Variants in KIRREL3 observed in about 807,000 individuals in gnomAD.
KIRREL3 encodes the protein kirre like nephrin family adhesion molecule 3.
In KIRREL3, 36 loss-of-function variants were observed where a neutral mutation model predicts 89.7. The observed-to-expected ratio is 0.40, with a 90% CI of 0.31 to 0.53. The LOEUF (loss-of-function observed/expected upper bound fraction) is 0.53. Ranked by LOEUF, KIRREL3 falls within the 20% of genes least tolerant of loss-of-function variation. The pLI is 0.49. For missense variants in KIRREL3, 864 were observed against 1,056.6 expected (o/e 0.82, Z 2.53); for synonymous variants, 445 against 441.4 (o/e 1.01, Z -0.10).
rs1358083095 is a variant in KIRREL3 at position 126,635,933 on chromosome 11, G to T, written c.56-73021C>A. Among the ~76,000 whole-genome samples the T allele has an allele frequency of 6.6e-6, 1 of 152,118 alleles. No individual in the cohort carries two copies. ...CTAGGGAACAACTTGGTTATTTTTG[G>T]GTCATGGGCAGGGCCAGCAGGCCTA... On this transcript the variant is annotated intron_variant, in intron 1 of 16. Coordinates refer to ENST00000525144, the MANE Select transcript of KIRREL3 (RefSeq NM_032531.4). This position sits in a 1 kb window ranked among gnomAD's most constrained non-coding sequence, Gnocchi z 4.0.
At chr11:126,971,050 C>T (rs1180310301) in intron 1 of KIRREL3, among the ~76,000 whole-genome samples, 1 of 152,218 alleles carries the variant, frequency 6.6e-6, no homozygotes, top group Non-Finnish European at 1.5e-5. Context: ...TCCCCACTCT[C>T]AACAGTGTTT....
chr11:126,769,707 G>T lies in KIRREL3; in HGVS notation c.56-206795C>A, dbSNP rs1254280143. The stretch of plus-strand genomic sequence containing the variant: ...ACAAGCAAGCAGACATTTGTCCTTG[G>T]TGAGCTCACATCTTATAGCTTCCAG... On this transcript the variant is annotated intron_variant, in intron 1 of 16. Coordinates refer to ENST00000525144, the MANE Select transcript of KIRREL3 (RefSeq NM_032531.4). This position sits in a 1 kb window ranked among gnomAD's most constrained non-coding sequence, Gnocchi z 4.3. 6.6e-6 allele frequency among the ~76,000 whole-genome samples: 1 copy of T among 152,152 alleles called. No individual in the cohort carries two copies. Among genetic ancestry groups the T allele is most frequent in the Admixed American group, 6.5e-5 (1 of 15,280 alleles).
chr11:126,741,987 T>C (rs1201216140), intron 1 of KIRREL3, among the ~76,000 whole-genome samples: 1 of 152,206 alleles, frequency 6.6e-6, no homozygotes, highest in Non-Finnish European at 1.5e-5. Flanking sequence ...TAGCAGAGAA[T>C]GTTGGTCTGG....
rs1028642587 is a variant in KIRREL3, at chr11:126,557,798, G to A, written c.133+5037C>T. 6.6e-6 allele frequency among the ~76,000 whole-genome samples: 1 copy of A among 152,184 alleles called. No homozygotes were observed. Among genetic ancestry groups the A allele is most frequent in the Non-Finnish European group, 1.5e-5 (1 of 68,034 alleles). On this transcript the variant is annotated intron_variant, in intron 2 of 16. Transcript: ENST00000525144. This position sits in a 1 kb window ranked among gnomAD's most constrained non-coding sequence, Gnocchi z 5.6. ...CAGGTGCTGTGGGGGAGGGGCATTT[G>A]CACACAGAGCCTGGACTGGGACCAC...
chr11:126,953,060 A>G lies in KIRREL3; in HGVS notation c.55+47395T>C, dbSNP rs939335736. On this transcript the variant is annotated intron_variant, in intron 1 of 16. Coordinates refer to ENST00000525144, the MANE Select transcript of KIRREL3 (RefSeq NM_032531.4). The surrounding 1 kb of genome is among the most constrained non-coding windows in gnomAD (Gnocchi z 5.2). Reference sequence around the variant, plus strand: ...TATGTTTATTGCAGCACTGTTCACAATAACAAAGACTTGGAACCAATCCAA... The same window carrying G: ...TATGTTTATTGCAGCACTGTTCACAGTAACAAAGACTTGGAACCAATCCAA... 2.0e-5 allele frequency among the ~76,000 whole-genome samples: 3 copies of G among 152,244 alleles called. No homozygotes were observed. Among genetic ancestry groups the G allele is most frequent in the Non-Finnish European group, 2.9e-5 (2 of 68,032 alleles).
rs1956591231 is a variant in KIRREL3, at chr11:126,462,856, A to G, written c.742+301T>C. Among the ~76,000 whole-genome samples the G allele has an allele frequency of 6.6e-6, 1 of 152,070 alleles. No homozygotes were observed. The highest frequency in any genetic ancestry group is 1.5e-5 in the Non-Finnish European group (1 of 68,026). ...AGACTTCCCCTCCAACAGAGGGGCC[A>G]CCGGCTAGGCCAGCAGAGGCAGCAG... On this transcript the variant is annotated intron_variant, in intron 6 of 16. Transcript: ENST00000525144. This position sits in a 1 kb window ranked among gnomAD's most constrained non-coding sequence, Gnocchi z 4.8.
chr11:126,804,512 G>A lies in KIRREL3; in HGVS notation c.55+195943C>T, dbSNP rs183340281. On this transcript the variant is annotated intron_variant, in intron 1 of 16. Coordinates refer to ENST00000525144, the MANE Select transcript of KIRREL3 (RefSeq NM_032531.4). ...CAGCAACCCACTTAGACTCTTGTGG[G>A]AAGATGTCAGCAGAAGTGAGTCTGA... Among the ~76,000 whole-genome samples, 8 of 152,268 alleles carry A rather than the reference G, an allele frequency of 5.3e-5. No individual in the cohort carries two copies. In the South Asian group the frequency reaches 8.3e-4, roughly 16 times the overall value.
Position 126,995,336 on chromosome 11 carries a change from A to G in KIRREL3, c.55+5119T>C, listed in dbSNP as rs1287290532. The G allele has an allele frequency of 2.2e-6, 1 of 456,176 alleles. No homozygotes were observed. Among genetic ancestry groups the G allele is most frequent in the Non-Finnish European group, 4.4e-6 (1 of 226,952 alleles). 28.3% of individuals were successfully genotyped at this position (456,176 alleles called of 1,614,324 possible). On this transcript the variant is annotated intron_variant, in intron 1 of 16. Transcript: ENST00000525144. This position sits in a 1 kb window ranked among gnomAD's most constrained non-coding sequence, Gnocchi z 6.5. Reference sequence around the variant, plus strand: ...GGGGAGTTGAAGTGTGCATTCCAGCATGCTCATGATCTTACTGACCTTCTC... The same window carrying G: ...GGGGAGTTGAAGTGTGCATTCCAGCGTGCTCATGATCTTACTGACCTTCTC...
In KIRREL3 at chr11:126,814,855, G is replaced by A. The variant is rs369076236; in HGVS notation, c.55+185600C>T. ...CCTGGGTGATGGTGGTGGGTTCATCGGTGCAGCGAACCACCATGGCACACG... is the reference window on the plus strand; with the variant it reads ...CCTGGGTGATGGTGGTGGGTTCATCAGTGCAGCGAACCACCATGGCACACG... On this transcript the variant is annotated intron_variant, in intron 1 of 16. Transcript: ENST00000525144. This position sits in a 1 kb window ranked among gnomAD's most constrained non-coding sequence, Gnocchi z 4.4. Among the ~76,000 whole-genome samples, 15 of 152,128 alleles carry A rather than the reference G, an allele frequency of 9.9e-5. No homozygotes were observed. The highest frequency in any genetic ancestry group is 3.4e-4 in the African/African-American group (14 of 41,406).
At chr11:126,923,122 C>T (rs111641819) in intron 1 of KIRREL3, among the ~76,000 whole-genome samples, 2,288 of 46,714 alleles carry the variant, frequency 0.049, 229 homozygotes, top group African/African-American at 0.1. Flanking sequence ...TTCTCCTTCT[C>T]CTTCTTCTCT....
rs1950055592 is a variant in KIRREL3, at chr11:126,772,734, T to C, written c.56-209822A>G. ...GGCCACAGGCCAGCAGGGAAGTCACTGCAGCCTCTGGGGGTGCCATCGTGG... is the reference window on the plus strand; with the variant it reads ...GGCCACAGGCCAGCAGGGAAGTCACCGCAGCCTCTGGGGGTGCCATCGTGG... On this transcript the variant is annotated intron_variant, in intron 1 of 16. Transcript: ENST00000525144. This position sits in a 1 kb window ranked among gnomAD's most constrained non-coding sequence, Gnocchi z 4.6. 1.3e-5 allele frequency among the ~76,000 whole-genome samples: 2 copies of C among 152,244 alleles called. No individual in the cohort carries two copies. Among genetic ancestry groups the C allele is most frequent in the Non-Finnish European group, 2.9e-5 (2 of 68,038 alleles).
At chr11:126,762,961 G>A (rs1949709464) in intron 1 of KIRREL3, among the ~76,000 whole-genome samples, 2 of 152,114 alleles carry the variant, frequency 1.3e-5, no homozygotes, top group Non-Finnish European at 2.9e-5. Flanking sequence ...ATTTCCCTTT[G>A]GTTGTGGCTG....
In KIRREL3 at chr11:126,684,683, A is replaced by G. The variant is rs1267365248; in HGVS notation, c.56-121771T>C. Among the ~76,000 whole-genome samples the G allele has an allele frequency of 1.3e-5, 2 of 152,238 alleles. No homozygotes were observed. The highest frequency in any genetic ancestry group is 4.8e-5 in the African/African-American group (2 of 41,464). On this transcript the variant is annotated intron_variant, in intron 1 of 16. Transcript: ENST00000525144. The surrounding 1 kb of genome is among the most constrained non-coding windows in gnomAD (Gnocchi z 4.2). Reference sequence around the variant, plus strand: ...GTCTGCACTTGCTGAGAAGGCATTTATGATGCCAGTGTGACTTATAGTTAT... The same window carrying G: ...GTCTGCACTTGCTGAGAAGGCATTTGTGATGCCAGTGTGACTTATAGTTAT...
chr11:126,838,033 C>T (rs1943838470), intron 1 of KIRREL3, among the ~76,000 whole-genome samples: 2 of 152,162 alleles, frequency 1.3e-5, no homozygotes, highest in South Asian at 4.1e-4. Context: ...CCCATCATCC[C>T]TCTAACAAAT....
At chr11:126,884,002 C>T (rs977765999) in intron 1 of KIRREL3, among the ~76,000 whole-genome samples, 4 of 152,086 alleles carry the variant, frequency 2.6e-5, no homozygotes, top group African/African-American at 4.8e-5. Flanking sequence ...ACTGGCCACC[C>T]GGGGAGATTG....
intron 1 of KIRREL3, among the ~76,000 whole-genome samples, chr11:126,706,404 A>G (rs59964105): frequency 0.062 from 9,367 of 152,272 alleles, 779 homozygotes; most frequent in African/African-American, 0.19. Context: ...TTTAAGTACA[A>G]TTAGGTTTTT....
chr11:126,910,969 G>A (rs1374025458), intron 1 of KIRREL3, among the ~76,000 whole-genome samples: 1 of 152,206 alleles, frequency 6.6e-6, no homozygotes, highest in African/African-American at 2.4e-5. Context: ...CCGGGGGAAG[G>A]AAAGGTGGGC....
At position 126,797,005 on chromosome 11, in the gene KIRREL3, T is replaced by G. The variant is rs1292502631; in HGVS notation, c.55+203450A>C. Among the ~76,000 whole-genome samples, 1 of 152,160 alleles carries G rather than the reference T, an allele frequency of 6.6e-6. No individual in the cohort carries two copies. The highest frequency in any genetic ancestry group is 1.5e-5 in the Non-Finnish European group (1 of 68,032). ...TCTGGGGTGGAGGTCATATCAGGGC[T>G]GGGGACAGAAAGGCTGATCCTGTGA... is the stretch of plus-strand genomic sequence containing the variant. On this transcript the variant is annotated intron_variant, in intron 1 of 16. Coordinates refer to ENST00000525144, the MANE Select transcript of KIRREL3 (RefSeq NM_032531.4). The surrounding 1 kb of genome is among the most constrained non-coding windows in gnomAD (Gnocchi z 4.9).
intron 1 of KIRREL3, among the ~76,000 whole-genome samples, chr11:126,732,511 G>T (rs1948659996): frequency 1.3e-5 from 2 of 152,210 alleles, no homozygotes; most frequent in Admixed American, 6.5e-5. Flanking sequence ...TACTAAGCAA[G>T]TTAGGACTAA....
Sources: allele counts gnomAD v4.1 joint callset (sites outside exome capture counted in the v4.1 genomes callset), GRCh38; gene constraint gnomAD v4.1.1; non-coding constraint Gnocchi (gnomAD v3.1); transcripts MANE v1.5; gene names NCBI Gene and HGNC (gene_info 2026-07-23, HGNC 2026-07-21).